The following PLEKHS1 variants were observed in gnomAD, a reference collection of about 807,000 sequenced individuals.
The protein encoded by PLEKHS1 is pleckstrin homology domain-containing family S member 1.
PLEKHS1 carries 55 observed loss-of-function variants against 51.0 expected under a neutral mutation model. The ratio of observed to expected loss-of-function variants is 1.08; its 90% CI spans 0.87 to 1.35. PLEKHS1 has a LOEUF of 1.35. Ranked by LOEUF, PLEKHS1 falls within the 40% of genes most tolerant of loss-of-function variation. PLEKHS1 has a pLI of 0.00. For synonymous variants in PLEKHS1, 153 were observed against 144.8 expected (o/e 1.06, Z -0.41); for missense variants, 398 against 423.0 (o/e 0.94, Z 0.52).
intron 11 of PLEKHS1, 177 bp downstream of exon 12, chr10:113,777,436 A>G (rs1564828851): frequency 6.2e-7 from 1 of 1,607,136 alleles, no homozygotes; most frequent in Admixed American, 1.7e-5. Context: ...TTTCATATCA[A>G]GTAGCATTTG....
At chr10:113,772,440 CATTCT>C (rs1239782156) in intron 8 of PLEKHS1, among the ~76,000 whole-genome samples, 10 of 152,088 alleles carry the variant, frequency 6.6e-5, no homozygotes, top group Non-Finnish European at 1.3e-4. Context: ...AGTCTTTCTG[CATTCT>C]TAGCAGAAAG....
chr10:113,756,422 C>T (rs11196477), intron 2 of PLEKHS1, among the ~76,000 whole-genome samples: 40,076 of 152,052 alleles, frequency 0.26, 5,470 homozygotes, highest in Non-Finnish European at 0.29. Flanking sequence ...GATCGCACCA[C>T]TGCACTCCAG....
intron 5 of PLEKHS1, among the ~76,000 whole-genome samples, chr10:113,768,161 A>G (rs1238406490): frequency 6.6e-6 from 1 of 152,182 alleles, no homozygotes; most frequent in African/African-American, 2.4e-5. Flanking sequence ...CACAAGCTAC[A>G]TATATTAGGG....
At chr10:113,774,317 G>A (rs1395950738) in exon 9 of PLEKHS1, 2 of 1,575,168 alleles carry the variant, frequency 1.3e-6, no homozygotes, top group Non-Finnish European at 8.6e-7. Context: ...GTGTCATTAT[G>A]AGCCAATGGA....
chr10:113,763,470 T>C (rs181640041), intron 2 of PLEKHS1, among the ~76,000 whole-genome samples: 28 of 152,318 alleles, frequency 1.8e-4, no homozygotes, highest in Admixed American at 1.4e-3. Flanking sequence ...TTTAAATGTA[T>C]CATATTGTTA....
In PLEKHS1 at chr10:113,777,124, T is replaced by C. The variant is rs761975425; in HGVS notation, c.1091+1258T>C. The C allele has an allele frequency of 6.8e-6, 11 of 1,612,382 alleles. No homozygotes were observed. In the African/African-American group the frequency reaches 1.2e-4, roughly 18 times the overall value. Reference sequence around the variant, plus strand: ...ATTGGATGTTGTATTCCCACTGCAGTGTGTCTCAGTGGGAAGGCCCCCCAC... The same window carrying C: ...ATTGGATGTTGTATTCCCACTGCAGCGTGTCTCAGTGGGAAGGCCCCCCAC... On this transcript the variant is annotated intron_variant, in intron 11 of 11. Transcript: ENST00000361048.
At chr10:113,776,282 A>C (rs1404586189) in intron 11 of PLEKHS1, among the ~76,000 whole-genome samples, 1 of 152,208 alleles carries the variant, frequency 6.6e-6, no homozygotes, top group African/African-American at 2.4e-5. Flanking sequence ...TCCAGACACA[A>C]GGTTAAAAAA....
intron 11 of PLEKHS1, chr10:113,777,159 G>A: frequency 6.2e-7 from 1 of 1,612,814 alleles, no homozygotes; most frequent in Non-Finnish European, 8.5e-7. Context: ...CGTTTGGGAT[G>A]CATATTTTGC....
chr10:113,780,672 C>G (rs371574088), exon 12 of PLEKHS1: 24 of 1,613,664 alleles, frequency 1.5e-5, no homozygotes, highest in Middle Eastern at 1.6e-4. Context: ...ATGTGTCCCT[C>G]AAAATGCCAA....
chr10:113,782,654 C>G (rs1248800854), downstream of PLEKHS1: 1 of 152,416 alleles, frequency 6.6e-6, no homozygotes, highest in Non-Finnish European at 1.5e-5. Context: ...CTCTCTTCCT[C>G]CTGCTCCTGC....
exon 12 of PLEKHS1, chr10:113,781,300 TCCCAACACCTCCTTC>T (rs1844861506): frequency 1.9e-5 from 1 of 53,038 alleles, no homozygotes; most frequent in African/African-American, 6.9e-5. Flanking sequence ...AACACCTCCT[TCCCAACACCTCCTTC>T]CCCAACACCT....
intron 9 of PLEKHS1, 100 bp downstream of exon 9, chr10:113,774,433 C>A: frequency 1.4e-6 from 1 of 720,408 alleles, no homozygotes; most frequent in Non-Finnish European, 2.3e-6. Context: ...TGATGCCAAA[C>A]ATTACCAGAG....
At chr10:113,768,919 G>A (rs751886550) in intron 6 of PLEKHS1, 29 bp downstream of exon 6, 7 of 1,553,192 alleles carry the variant, frequency 4.5e-6, no homozygotes, top group African/African-American at 1.4e-5. Context: ...TAAAATAACA[G>A]GGCACCTGAA....
At chr10:113,755,298 G>A (rs1268758755) in exon 2 of PLEKHS1, 7 of 1,609,174 alleles carry the variant, frequency 4.4e-6, no homozygotes, top group Non-Finnish European at 5.9e-6. Context: ...AACCTCAGAA[G>A]AGTCCAGGTA....
chr10:113,758,538 G>A (rs1843776406), intron 2 of PLEKHS1, among the ~76,000 whole-genome samples: 1 of 152,176 alleles, frequency 6.6e-6, no homozygotes, highest in African/African-American at 2.4e-5. Flanking sequence ...TGCACTGATA[G>A]AGCACAAGTA....
intron 7 of PLEKHS1, 125 bp downstream of exon 7, chr10:113,770,025 A>G: frequency 1.3e-6 from 1 of 744,986 alleles, no homozygotes; most frequent in Non-Finnish European, 2.4e-6. Context: ...CACTATAAGA[A>G]AGATTCTTAG....
chr10:113,769,883 A>G (rs757089409), exon 7 of PLEKHS1: 14 of 1,613,194 alleles, frequency 8.7e-6, no homozygotes, highest in Non-Finnish European at 1.2e-5. Flanking sequence ...CTCACCAAGA[A>G]ATGGTCTCCA....
chr10:113,769,058 T>A (rs1373359663), intron 6 of PLEKHS1, among the ~76,000 whole-genome samples, 168 bp downstream of exon 6: 2 of 152,218 alleles, frequency 1.3e-5, no homozygotes, highest in Non-Finnish European at 2.9e-5. Context: ...CAGAAAAAAA[T>A]TCTTTTGTGT....
chr10:113,771,568 A>G (rs1427313129), intron 7 of PLEKHS1, among the ~76,000 whole-genome samples: 1 of 150,700 alleles, frequency 6.6e-6, no homozygotes, highest in Non-Finnish European at 1.5e-5. Context: ...CCAGCTACTC[A>G]GGAGGCTGAG....
Sources: gnomAD v4.1 joint callset for allele counts (sites outside exome capture counted in the v4.1 genomes callset) on GRCh38, gnomAD v4.1.1 for gene constraint, MANE v1.5 for transcripts, NCBI Gene and HGNC (gene_info 2026-07-23, HGNC 2026-07-21) for gene names.